Variants in MBP observed in about 807,000 individuals in gnomAD.
MBP encodes Golli-MBP.
Under a neutral mutation model 35.8 loss-of-function variants are expected in MBP, and 16 were observed. The observed-to-expected ratio is 0.45, with a 90% CI of 0.30 to 0.68. The LOEUF (loss-of-function observed/expected upper bound fraction) is 0.68, where lower values mean the gene tolerates loss of function less well. MBP is among the 30% of genes least tolerant of loss of function. MBP has a pLI of 0.08. For missense variants in MBP, 380 were observed against 404.7 expected (o/e 0.94, Z 0.52); for synonymous variants, 143 against 159.6 (o/e 0.90, Z 0.78).
At chr18:77,115,901 T>C (rs1489931152) in intron 1 of MBP, among the ~76,000 whole-genome samples, 3 of 152,096 alleles carry the variant, frequency 2.0e-5, no homozygotes, top group Non-Finnish European at 4.4e-5. Flanking sequence ...AAGAAGGCAA[T>C]GTGTGGTCAT....
intron 3 of MBP, among the ~76,000 whole-genome samples, chr18:77,042,739 C>T (rs1973068665): frequency 6.6e-6 from 1 of 152,358 alleles, no homozygotes; most frequent in East Asian, 1.9e-4. Context: ...CACACAATGT[C>T]TGTTTTTCAG....
At chr18:77,012,798 C>G (rs913231058) in intron 4 of MBP, 1 of 985,412 alleles carries the variant, frequency 1.0e-6, no homozygotes, top group Non-Finnish European at 1.2e-6. Flanking sequence ...TGTCCTTGGT[C>G]TGTTAAACTG....
intron 1 of MBP, among the ~76,000 whole-genome samples, chr18:77,107,226 AC>A (rs1384731214): frequency 5.9e-5 from 9 of 152,188 alleles, no homozygotes; most frequent in African/African-American, 2.2e-4. Flanking sequence ...AAAACAGGTA[AC>A]TTCCTTTAGT....
intron 3 of MBP, among the ~76,000 whole-genome samples, chr18:77,057,824 GTTTTTTT>G (rs780881071): frequency 1.1e-4 from 1 of 9,198 alleles, no homozygotes; most frequent in East Asian, 6.9e-3. Context: ...GGCGGGGAGT[GTTTTTTT>G]TTTTTTTTTT....
intron 2 of MBP, among the ~76,000 whole-genome samples, chr18:77,067,640 G>A (rs1311683425): frequency 1.3e-5 from 2 of 152,138 alleles, no homozygotes; most frequent in African/African-American, 2.4e-5. Context: ...GTGGGCAGCC[G>A]CGCTGGCCCT....
chr18:77,095,124 G>A (rs1199321482), intron 2 of MBP, among the ~76,000 whole-genome samples: 1 of 152,190 alleles, frequency 6.6e-6, no homozygotes, highest in African/African-American at 2.4e-5. Context: ...TTTGTCATGT[G>A]GGAGGTGTGT....
At chr18:76,997,382 G>T (rs569437696) in intron 4 of MBP, among the ~76,000 whole-genome samples, 24 of 152,316 alleles carry the variant, frequency 1.6e-4, no homozygotes, top group South Asian at 4.1e-4. Flanking sequence ...CTGGGGCCCT[G>T]GGGCTTCTGG....
In MBP at chr18:77,066,141, CAT is replaced by C. The variant is rs1451932725; in HGVS notation, c.139+155_139+156del. On this transcript the variant is annotated intron_variant, in intron 3 of 8. Coordinates refer to ENST00000355994, the MANE Select transcript of MBP (RefSeq NM_001025101.2). Reference sequence around the variant, plus strand: ...ACCCCATGAAGTGTGCGATTACAGACATGAAGCAATGATCCCAGCCTCTATGT... The same window carrying C: ...ACCCCATGAAGTGTGCGATTACAGACGAAGCAATGATCCCAGCCTCTATGT... 4 of 632,582 alleles carry C rather than the reference CAT, an allele frequency of 6.3e-6. No homozygotes were observed. In the African/African-American group the frequency reaches 7.4e-5, roughly 12 times the overall value. The allele number at this position is 632,582 out of a possible 1,614,324, so 39.2% of individuals were successfully genotyped here.
At chr18:77,119,220 T>C (rs138887182) in intron 1 of MBP, among the ~76,000 whole-genome samples, 1,968 of 151,974 alleles carry the variant, frequency 0.013, 17 homozygotes, top group Non-Finnish European at 0.023. Context: ...GGGCCGGAGG[T>C]GTCCTGGAAG....
chr18:77,019,340 G>A (rs1971890888), intron 3 of MBP, among the ~76,000 whole-genome samples: 1 of 152,208 alleles, frequency 6.6e-6, no homozygotes, highest in Non-Finnish European at 1.5e-5. Flanking sequence ...CTGCAGTAGG[G>A]TGGGCCCTAC....
chr18:77,079,731 T>TTC (rs1054045830), intron 2 of MBP, among the ~76,000 whole-genome samples: 4 of 152,240 alleles, frequency 2.6e-5, no homozygotes, highest in African/African-American at 9.7e-5. Context: ...CAAAGGTAAA[T>TTC]TCTCTCTCTC....
chr18:77,111,654 G>A (rs1976453516), intron 1 of MBP, among the ~76,000 whole-genome samples: 1 of 152,196 alleles, frequency 6.6e-6, no homozygotes, highest in South Asian at 2.1e-4. Flanking sequence ...AACATGCTGA[G>A]ACCTGGTGAT....
intron 1 of MBP, among the ~76,000 whole-genome samples, chr18:77,117,063 C>T (rs752332770): frequency 6.6e-6 from 1 of 152,110 alleles, no homozygotes; most frequent in Non-Finnish European, 1.5e-5. Flanking sequence ...AAAAGACCTC[C>T]TTCAAAAGGC....
rs750528877 is a variant in MBP at position 76,988,304 on chromosome 18, C to G, written c.750+191G>C. 6.4e-7 allele frequency: 1 copy of G among 1,559,584 alleles called. No homozygotes were observed. Among genetic ancestry groups the G allele is most frequent in the Admixed American group, 1.9e-5 (1 of 51,570 alleles). On this transcript the variant is annotated intron_variant, in intron 7 of 8. Transcript: ENST00000355994. The surrounding 1 kb of genome is among the most constrained non-coding windows in gnomAD (Gnocchi z 5.2). ...CACAGAAGCAAGAGACCAGACCTTCCGGAAGGGAAGACCACGTTTCATTTC... is the reference window on the plus strand; with the variant it reads ...CACAGAAGCAAGAGACCAGACCTTCGGGAAGGGAAGACCACGTTTCATTTC...
chr18:77,058,550 C>T (rs2144749670), intron 3 of MBP, among the ~76,000 whole-genome samples: 2 of 152,358 alleles, frequency 1.3e-5, no homozygotes, highest in East Asian at 3.9e-4. Flanking sequence ...GTTCCAGCAC[C>T]ACCCCCGCCC....
At chr18:76,991,058 GA>G in intron 4 of MBP, 1 of 173,144 alleles carries the variant, frequency 5.8e-6, no homozygotes, top group Non-Finnish European at 1.3e-5. Context: ...AAATGCTCGG[GA>G]AATACACACA....
chr18:77,008,747 T>A (rs1015593354), intron 4 of MBP, among the ~76,000 whole-genome samples: 2 of 152,208 alleles, frequency 1.3e-5, no homozygotes, highest in Non-Finnish European at 2.9e-5. Flanking sequence ...TCATTCCTCA[T>A]AAACCTACTC....
intron 3 of MBP, among the ~76,000 whole-genome samples, chr18:77,022,813 C>A (rs1319680627): frequency 6.6e-6 from 1 of 152,222 alleles, no homozygotes; most frequent in Non-Finnish European, 1.5e-5. Flanking sequence ...CTTCTCCCAA[C>A]ACATAAGAAG....
chr18:76,986,184 C>T, intron 7 of MBP: 1 of 985,528 alleles, frequency 1.0e-6, no homozygotes, highest in Non-Finnish European at 1.2e-6. Flanking sequence ...CCTCCTGAGT[C>T]TCTACTCAAT....
Sources: allele counts gnomAD v4.1 joint callset (sites outside exome capture counted in the v4.1 genomes callset), GRCh38; gene constraint gnomAD v4.1.1; non-coding constraint Gnocchi (gnomAD v3.1); transcripts MANE v1.5; gene names NCBI Gene and HGNC (gene_info 2026-07-23, HGNC 2026-07-21).